CDH2: variants seen among roughly 807,000 people sequenced by gnomAD.
The protein encoded by CDH2 is cadherin 2, also known as cadherin-2.
Under a neutral mutation model 92.0 loss-of-function variants are expected in CDH2, and 17 were observed. That is an observed-to-expected ratio of 0.18 (90% CI 0.13 to 0.28). The LOEUF (loss-of-function observed/expected upper bound fraction) is 0.28, where lower values mean the gene tolerates loss of function less well. Among genes scored for constraint, CDH2 ranks in the 10% least tolerant of loss-of-function variants. The probability of loss-of-function intolerance (pLI) is 1.00; values close to 1 mark genes in which losing one functional copy is unlikely to be tolerated. For missense variants in CDH2, 862 were observed against 1,133.1 expected, an observed-to-expected ratio of 0.76 and a Z score of 3.44; for synonymous variants, 419 against 415.9, an observed-to-expected ratio of 1.01 and a Z score of -0.09.
At position 28,147,932 on chromosome 18, in the gene CDH2, G is replaced by A. The variant is rs575278403; in HGVS notation, c.61-148C>T. On this transcript the variant is annotated intron_variant, in intron 1 of 15. Transcript: ENST00000269141. ...TCCAAGTGCTTACAATTAGAATGTA[G>A]AGGGCAAAGGGTTAATCATTTTGAT... 448 of 594,864 alleles carry A rather than the reference G, an allele frequency of 7.5e-4. 7 individuals carry two copies. In the South Asian group the frequency reaches 8.8e-3, roughly 12 times the overall value. The allele number at this position is 594,864 out of a possible 1,614,324, so 36.8% of individuals were successfully genotyped here.
At chr18:28,066,475 T>C (rs1004640875) in intron 2 of CDH2, among the ~76,000 whole-genome samples, 99 of 152,264 alleles carry the variant, frequency 6.5e-4, no homozygotes, top group African/African-American at 2.3e-3. Flanking sequence ...TAGGAATGCA[T>C]GGAATTGTAT....
chr18:28,102,789 T>C (rs2015248017), intron 2 of CDH2, among the ~76,000 whole-genome samples: 1 of 151,994 alleles, frequency 6.6e-6, no homozygotes, highest in Non-Finnish European at 1.5e-5. Context: ...TCAAAGTACT[T>C]ATCTGAGAAA....
chr18:28,013,392 A>C (rs1476387060), intron 3 of CDH2, among the ~76,000 whole-genome samples: 16 of 152,196 alleles, frequency 1.1e-4, no homozygotes, highest in Non-Finnish European at 4.4e-5. Flanking sequence ...GGTTTTATTT[A>C]ACAGCTTGTA....
At chr18:28,059,795 C>A (rs2014364483) in intron 2 of CDH2, among the ~76,000 whole-genome samples, 2 of 152,336 alleles carry the variant, frequency 1.3e-5, no homozygotes, top group South Asian at 4.1e-4. Context: ...TCTGAACACA[C>A]ACATACACAT....
chr18:27,971,019 C>T (rs7506873), intron 14 of CDH2, among the ~76,000 whole-genome samples: 28,743 of 152,122 alleles, frequency 0.19, 2,955 homozygotes, highest in East Asian at 0.4. Flanking sequence ...GGATGGATCA[C>T]GAGGTCAGGA....
intron 1 of CDH2, among the ~76,000 whole-genome samples, chr18:28,158,615 T>C (rs1286808676): frequency 1.3e-5 from 2 of 152,132 alleles, no homozygotes; most frequent in Non-Finnish European, 2.9e-5. Context: ...ATTCTTAAAG[T>C]ATGGTCCGAG....
chr18:28,141,879 A>C lies in CDH2; in HGVS notation c.172+5794T>G, dbSNP rs115252436. On this transcript the variant is annotated intron_variant, in intron 2 of 15. Coordinates refer to ENST00000269141, the MANE Select transcript of CDH2 (RefSeq NM_001792.5). ...CTCTCTTTGTAATGCTTCTCCCCTT[A>C]ATATGTAAGGCCCTTGAACCATCAC... 2.8e-3 allele frequency among the ~76,000 whole-genome samples: 426 copies of C among 151,666 alleles called. 2 individuals carry two copies. The highest frequency in any genetic ancestry group is 0.01 in the African/African-American group (415 of 41,130).
chr18:28,044,659 A>G (rs1323820945), intron 2 of CDH2, among the ~76,000 whole-genome samples: 1 of 152,138 alleles, frequency 6.6e-6, no homozygotes, highest in African/African-American at 2.4e-5. Context: ...ATAATGGAAA[A>G]CACAGTGAAC....
intron 6 of CDH2, among the ~76,000 whole-genome samples, chr18:28,004,917 T>C (rs998250530): frequency 2.0e-5 from 3 of 152,200 alleles, no homozygotes; most frequent in Admixed American, 6.5e-5. Flanking sequence ...GAGGCATAGT[T>C]GGTTATATCT....
chr18:28,128,038 T>A (rs142099831), intron 2 of CDH2, among the ~76,000 whole-genome samples: 74 of 152,312 alleles, frequency 4.9e-4, no homozygotes, highest in African/African-American at 1.7e-3. Context: ...TTGGCTGTCA[T>A]CCTGGGACAC....
intron 2 of CDH2, among the ~76,000 whole-genome samples, chr18:28,105,024 C>T (rs1443116779): frequency 6.6e-6 from 1 of 151,942 alleles, no homozygotes; most frequent in Admixed American, 6.6e-5. Flanking sequence ...TGGTAAAACA[C>T]TTGATCTAGA....
At chr18:28,014,816 G>A (rs1237853877) in intron 2 of CDH2, among the ~76,000 whole-genome samples, 2 of 151,724 alleles carry the variant, frequency 1.3e-5, no homozygotes, top group African/African-American at 4.8e-5. Context: ...ATGAACTTGT[G>A]TAGAACTAGA....
intron 2 of CDH2, among the ~76,000 whole-genome samples, chr18:28,068,827 G>A (rs563260521): frequency 2.0e-5 from 3 of 152,258 alleles, no homozygotes; most frequent in South Asian, 4.1e-4. Flanking sequence ...GATACAACCC[G>A]ATAGGGAGTG....
At chr18:28,112,434 G>A (rs1385564806) in intron 2 of CDH2, among the ~76,000 whole-genome samples, 1 of 152,170 alleles carries the variant, frequency 6.6e-6, no homozygotes, top group Non-Finnish European at 1.5e-5. Flanking sequence ...GGCCAGTAAA[G>A]AGGCCGACTC....
intron 2 of CDH2, among the ~76,000 whole-genome samples, chr18:28,041,572 G>A (rs938966521): frequency 2.6e-5 from 4 of 152,158 alleles, no homozygotes; most frequent in Non-Finnish European, 4.4e-5. Flanking sequence ...AAATGCCACA[G>A]CAGTGCACGC....
intron 14 of CDH2, among the ~76,000 whole-genome samples, chr18:27,979,028 T>C (rs916833249): frequency 5.3e-5 from 8 of 151,526 alleles, no homozygotes; most frequent in Non-Finnish European, 8.8e-5. Context: ...ACATAAAAAA[T>C]AATAAAAAAA....
rs1909462892 is a variant in CDH2, at chr18:27,951,669, T to C, written c.*484A>G. 6.6e-6 allele frequency: 1 copy of C among 152,296 alleles called. No individual in the cohort carries two copies. Among genetic ancestry groups the C allele is most frequent in the Non-Finnish European group, 1.5e-5 (1 of 68,130 alleles). 9.4% of individuals were successfully genotyped at this position (152,296 alleles called of 1,614,324 possible). On this transcript the variant is annotated 3_prime_UTR_variant, in exon 16 of 16. Transcript: ENST00000269141. ...AGTCTAAAACTAGAAGTAATGTACA[T>C]TTTCCAATCTCATGGTCTCATCCCC...
At chr18:27,982,429 A>T (rs1024468877) in intron 14 of CDH2, among the ~76,000 whole-genome samples, 5 of 152,210 alleles carry the variant, frequency 3.3e-5, no homozygotes, top group African/African-American at 1.2e-4. Flanking sequence ...GATGAACTAG[A>T]TGTTAACTCT....
intron 2 of CDH2, among the ~76,000 whole-genome samples, chr18:28,039,737 T>C: frequency 6.6e-6 from 1 of 152,172 alleles, no homozygotes; most frequent in East Asian, 1.9e-4. Context: ...AAGGATACTT[T>C]TCCTCCAATT....
Sources: allele counts gnomAD v4.1 joint callset (sites outside exome capture counted in the v4.1 genomes callset), GRCh38; gene constraint gnomAD v4.1.1; transcripts MANE v1.5; gene names NCBI Gene and HGNC (gene_info 2026-07-23, HGNC 2026-07-21).